The following NELL1 variants were observed in gnomAD, a reference collection of about 807,000 sequenced individuals.
The protein encoded by NELL1 is protein kinase C-binding protein NELL1.
In NELL1, 76 loss-of-function variants were observed where a neutral mutation model predicts 107.4. The ratio of observed to expected loss-of-function variants is 0.71; its 90% CI spans 0.59 to 0.86. NELL1 has a LOEUF of 0.86. NELL1 is among the 40% of genes least tolerant of loss of function. NELL1 has a pLI of 0.00. For missense variants in NELL1, 1,024 were observed against 1,005.5 expected (o/e 1.02, Z -0.25); for synonymous variants, 353 against 341.2 (o/e 1.03, Z -0.38).
At chr11:21,342,411 T>TC (rs1555007303) in intron 14 of NELL1, among the ~76,000 whole-genome samples, 8 of 74,098 alleles carry the variant, frequency 1.1e-4, no homozygotes, top group Non-Finnish European at 2.0e-4. Flanking sequence ...GAGGCTTAAG[T>TC]GGGGGGGGGG....
chr11:21,109,796 A>T (rs1298544974), intron 12 of NELL1, among the ~76,000 whole-genome samples: 1 of 152,120 alleles, frequency 6.6e-6, no homozygotes, highest in East Asian at 1.9e-4. Context: ...TTGTTTTCTC[A>T]GGATAGCCCA....
At chr11:20,957,910 TTGAGAAGAAAGAACA>T (rs1851210941) in intron 11 of NELL1, among the ~76,000 whole-genome samples, 2 of 151,876 alleles carry the variant, frequency 1.3e-5, no homozygotes, top group Non-Finnish European at 2.9e-5. Flanking sequence ...AGATGAGAGC[TTGAGAAGAAAGAACA>T]TTTATCTAAT....
At chr11:20,738,984 T>C (rs1293340026) in intron 2 of NELL1, among the ~76,000 whole-genome samples, 1 of 152,222 alleles carries the variant, frequency 6.6e-6, no homozygotes, top group African/African-American at 2.4e-5. Flanking sequence ...ACCTTAGAGC[T>C]GAGTTGTCCT....
At chr11:21,155,443 A>C (rs1856210844) in intron 13 of NELL1, among the ~76,000 whole-genome samples, 1 of 152,186 alleles carries the variant, frequency 6.6e-6, no homozygotes, top group Non-Finnish European at 1.5e-5. Flanking sequence ...AAGAGAGAAT[A>C]GAACTCTAGG....
At chr11:21,567,676 C>T (rs905304598) in intron 17 of NELL1, among the ~76,000 whole-genome samples, 2 of 151,822 alleles carry the variant, frequency 1.3e-5, no homozygotes, top group African/African-American at 2.4e-5. Context: ...CACAAAACAT[C>T]TCAGCAAGTC....
chr11:20,976,046 TTATA>T (rs927439814), intron 12 of NELL1, among the ~76,000 whole-genome samples: 1 of 146,112 alleles, frequency 6.8e-6, no homozygotes. Flanking sequence ...TACATTACAT[TTATA>T]TATACATATA....
At chr11:21,008,809 C>A (rs1427817262) in intron 12 of NELL1, among the ~76,000 whole-genome samples, 1 of 151,914 alleles carries the variant, frequency 6.6e-6, no homozygotes, top group Non-Finnish European at 1.5e-5. Flanking sequence ...CATTAACATG[C>A]AATTATGATT....
At chr11:21,554,991 C>T (rs1360310760) in intron 16 of NELL1, among the ~76,000 whole-genome samples, 2 of 151,902 alleles carry the variant, frequency 1.3e-5, no homozygotes, top group Non-Finnish European at 2.9e-5. Context: ...GAAAGAGAAA[C>T]AAGGACCAGA....
chr11:21,062,763 G>T (rs559835642), intron 12 of NELL1, among the ~76,000 whole-genome samples: 1 of 152,190 alleles, frequency 6.6e-6, no homozygotes, highest in East Asian at 1.9e-4. Context: ...ACAAATCACA[G>T]AATTCAGGCA....
chr11:21,141,517 C>G (rs1474414075), intron 13 of NELL1, among the ~76,000 whole-genome samples: 1 of 152,104 alleles, frequency 6.6e-6, no homozygotes, highest in Non-Finnish European at 1.5e-5. Flanking sequence ...AGTCCCATCT[C>G]TACTAGAGAT....
intron 15 of NELL1, among the ~76,000 whole-genome samples, chr11:21,419,168 T>C (rs540362516): frequency 2.6e-5 from 4 of 152,204 alleles, no homozygotes; most frequent in Middle Eastern, 3.4e-3. Context: ...CCAAGTCTCT[T>C]ATACTTGAGA....
chr11:20,817,619 C>T (rs1857651684), intron 3 of NELL1, among the ~76,000 whole-genome samples: 1 of 151,790 alleles, frequency 6.6e-6, no homozygotes, highest in Admixed American at 6.6e-5. Flanking sequence ...TGTATGGATT[C>T]CTGGATCTCA....
intron 3 of NELL1, among the ~76,000 whole-genome samples, chr11:20,791,680 A>G (rs1036629113): frequency 1.3e-5 from 2 of 150,994 alleles, no homozygotes; most frequent in African/African-American, 4.9e-5. Flanking sequence ...TTTCACCTTG[A>G]AGTATGTCAG....
intron 14 of NELL1, among the ~76,000 whole-genome samples, chr11:21,273,802 A>G (rs1246959701): frequency 6.6e-6 from 1 of 152,168 alleles, no homozygotes; most frequent in Non-Finnish European, 1.5e-5. Context: ...CAGCCAAACT[A>G]AGCTTCATAA....
At chr11:21,141,884 C>T (rs570592916) in intron 13 of NELL1, among the ~76,000 whole-genome samples, 2 of 152,154 alleles carry the variant, frequency 1.3e-5, no homozygotes, top group African/African-American at 4.8e-5. Context: ...CTTCCTAAGC[C>T]TCCGGAGTAG....
chr11:21,039,365 G>C (rs1590571041), intron 12 of NELL1, among the ~76,000 whole-genome samples: 1 of 151,872 alleles, frequency 6.6e-6, no homozygotes, highest in African/African-American at 2.4e-5. Flanking sequence ...TTTGTATTTT[G>C]AGTAGAGACG....
chr11:21,168,087 C>G (rs1467024908), intron 13 of NELL1, among the ~76,000 whole-genome samples: 1 of 151,760 alleles, frequency 6.6e-6, no homozygotes, highest in Non-Finnish European at 1.5e-5. Flanking sequence ...ATACTCGATT[C>G]TCACTATATA....
chr11:21,092,861 A>T (rs1304027060), intron 12 of NELL1, among the ~76,000 whole-genome samples: 1 of 152,182 alleles, frequency 6.6e-6, no homozygotes, highest in Non-Finnish European at 1.5e-5. Context: ...AGGCCTAGGG[A>T]TAGCTCTAGG....
intron 11 of NELL1, among the ~76,000 whole-genome samples, chr11:20,949,130 A>G (rs1851023993): frequency 6.6e-6 from 1 of 152,182 alleles, no homozygotes; most frequent in African/African-American, 2.4e-5. Flanking sequence ...TTCCAATGAA[A>G]CTTTATTTAC....
Sources: allele counts gnomAD v4.1 joint callset (sites outside exome capture counted in the v4.1 genomes callset), GRCh38; gene constraint gnomAD v4.1.1; transcripts MANE v1.5; gene names NCBI Gene and HGNC (gene_info 2026-07-23, HGNC 2026-07-21).